CNTN5: variants seen among roughly 807,000 people sequenced by gnomAD.
CNTN5 encodes contactin 5.
CNTN5 carries 77 observed loss-of-function variants against 129.1 expected under a neutral mutation model. The observed-to-expected ratio is 0.60, with a 90% CI of 0.50 to 0.72. CNTN5 has a LOEUF of 0.72. CNTN5 is among the 30% of genes least tolerant of loss of function. The probability of loss-of-function intolerance (pLI) is 0.00; values close to 1 mark genes in which losing one functional copy is unlikely to be tolerated. For synonymous variants in CNTN5, 509 were observed against 465.6 expected (o/e 1.09, Z -1.20); for missense variants, 1,478 against 1,328.8 (o/e 1.11, Z -1.75).
chr11:99,353,290 G>GT (rs1384847297), intron 2 of CNTN5, among the ~76,000 whole-genome samples: 1 of 152,162 alleles, frequency 6.6e-6, no homozygotes, highest in Admixed American at 6.5e-5. Flanking sequence ...TCAAACTGAT[G>GT]TAAGTGTACT....
intron 3 of CNTN5, among the ~76,000 whole-genome samples, chr11:99,818,842 ATT>A (rs1432679742): frequency 2.0e-5 from 3 of 152,098 alleles, no homozygotes; most frequent in Non-Finnish European, 2.9e-5. Context: ...AAATTTCATC[ATT>A]GTTTCCCCAC....
chr11:99,599,797 A>T (rs2135700752), intron 3 of CNTN5, among the ~76,000 whole-genome samples: 2 of 152,274 alleles, frequency 1.3e-5, no homozygotes, highest in East Asian at 3.9e-4. Context: ...TTAGGCACAG[A>T]CACTTTGTCA....
chr11:99,835,151 G>C (rs1057276389), intron 4 of CNTN5, among the ~76,000 whole-genome samples: 1 of 152,210 alleles, frequency 6.6e-6, no homozygotes, highest in Non-Finnish European at 1.5e-5. Context: ...TGGCGGGTAA[G>C]ATCAGTACCA....
At chr11:99,745,879 G>A (rs1944039930) in intron 3 of CNTN5, among the ~76,000 whole-genome samples, 1 of 152,156 alleles carries the variant, frequency 6.6e-6, no homozygotes, top group Non-Finnish European at 1.5e-5. Flanking sequence ...ACAATATAGT[G>A]TGATGATTGA....
At chr11:100,231,687 G>A (rs1949493066) in intron 16 of CNTN5, among the ~76,000 whole-genome samples, 3 of 152,156 alleles carry the variant, frequency 2.0e-5, no homozygotes, top group Admixed American at 1.3e-4. Flanking sequence ...TATATAATCA[G>A]AAAGATGTGG....
chr11:99,229,454 C>T (rs1479418452), intron 1 of CNTN5, among the ~76,000 whole-genome samples: 1 of 147,598 alleles, frequency 6.8e-6, no homozygotes, highest in Non-Finnish European at 1.5e-5. Context: ...TTACCTCAGT[C>T]GTGAAGTTTG....
chr11:100,214,648 C>T (rs1422171106), intron 15 of CNTN5, among the ~76,000 whole-genome samples: 1 of 152,184 alleles, frequency 6.6e-6, no homozygotes, highest in African/African-American at 2.4e-5. Flanking sequence ...CTCCTTGAGG[C>T]CCTTCCAGCT....
intron 7 of CNTN5, among the ~76,000 whole-genome samples, chr11:99,945,860 A>G (rs892044004): frequency 6.6e-6 from 1 of 152,024 alleles, no homozygotes; most frequent in African/African-American, 2.4e-5. Flanking sequence ...GGCACTTAAT[A>G]CACATTTCAT....
At chr11:99,848,097 G>C (rs1436239244) in intron 6 of CNTN5, among the ~76,000 whole-genome samples, 4 of 152,116 alleles carry the variant, frequency 2.6e-5, no homozygotes, top group Admixed American at 2.0e-4. Flanking sequence ...TGTAGTCCCA[G>C]CTACTAGGGA....
chr11:99,821,575 A>G (rs1204666871), intron 4 of CNTN5, among the ~76,000 whole-genome samples: 7 of 152,126 alleles, frequency 4.6e-5, no homozygotes, highest in African/African-American at 1.4e-4. Context: ...ATATAATGGC[A>G]AGTGACCTGA....
At chr11:99,184,167 C>A (rs534923627) in intron 1 of CNTN5, among the ~76,000 whole-genome samples, 31 of 152,124 alleles carry the variant, frequency 2.0e-4, no homozygotes, top group East Asian at 9.7e-4. Flanking sequence ...GTATTTGTCA[C>A]CCCCTTAGAA....
At chr11:100,163,737 C>A (rs1239835815) in intron 13 of CNTN5, among the ~76,000 whole-genome samples, 46 of 151,796 alleles carry the variant, frequency 3.0e-4, no homozygotes, top group Non-Finnish European at 1.0e-4. Flanking sequence ...CTGATTATTT[C>A]ATTTCCTCTG....
At chr11:99,973,998 A>G (rs1482590412) in intron 8 of CNTN5, among the ~76,000 whole-genome samples, 1 of 152,230 alleles carries the variant, frequency 6.6e-6, no homozygotes, top group African/African-American at 2.4e-5. Flanking sequence ...GCCATTATTC[A>G]AAATATTTTA....
intron 1 of CNTN5, among the ~76,000 whole-genome samples, chr11:99,283,341 A>G (rs1473189860): frequency 1.3e-5 from 2 of 152,110 alleles, no homozygotes; most frequent in Admixed American, 6.6e-5. Context: ...TTTAGCTAAA[A>G]ATCTATGGTA....
rs1021181405 is a variant in CNTN5 at position 100,054,597 on chromosome 11, T to A, written c.981-6615T>A. 4.0e-5 allele frequency among the ~76,000 whole-genome samples: 6 copies of A among 151,848 alleles called. 1 individual carries two copies. The East Asian group carries it at 1.2e-3, about 29-fold the overall frequency. Reference sequence around the variant, plus strand: ...GTTTTCCGCTGCATAGCATGACACTTCATCTCCTCATTCTCCAGTATGCAT... The same window carrying A: ...GTTTTCCGCTGCATAGCATGACACTACATCTCCTCATTCTCCAGTATGCAT... On this transcript the variant is annotated intron_variant, in intron 9 of 24. Transcript: ENST00000524871.
chr11:99,799,938 G>A (rs912693572), intron 3 of CNTN5, among the ~76,000 whole-genome samples: 1 of 152,152 alleles, frequency 6.6e-6, no homozygotes, highest in Middle Eastern at 3.4e-3. Flanking sequence ...ATATTAGTCT[G>A]TTGAGGGTTT....
chr11:99,523,810 T>A (rs144979637), intron 2 of CNTN5, among the ~76,000 whole-genome samples: 4 of 152,036 alleles, frequency 2.6e-5, no homozygotes, highest in African/African-American at 9.7e-5. Context: ...ATAGAACAGA[T>A]CTAGAGTAAG....
chr11:99,925,204 AT>A (rs1950033385), intron 7 of CNTN5, among the ~76,000 whole-genome samples: 1 of 152,322 alleles, frequency 6.6e-6, no homozygotes, highest in East Asian at 1.9e-4. Flanking sequence ...TTGTATGTAC[AT>A]TGGATCTCAG....
At chr11:100,201,843 C>T (rs1183243165) in intron 15 of CNTN5, among the ~76,000 whole-genome samples, 5 of 151,840 alleles carry the variant, frequency 3.3e-5, no homozygotes, top group Non-Finnish European at 5.9e-5. Flanking sequence ...AGCAGTGTTC[C>T]GCTCTGGGAA....
Sources: gnomAD v4.1 joint callset for allele counts (sites outside exome capture counted in the v4.1 genomes callset) on GRCh38, gnomAD v4.1.1 for gene constraint, MANE v1.5 for transcripts, NCBI Gene and HGNC (gene_info 2026-07-23, HGNC 2026-07-21) for gene names.